IQSEC1: variants seen among roughly 807,000 people sequenced by gnomAD.
The protein encoded by IQSEC1 is IQ motif and Sec7 domain ArfGEF 1.
IQSEC1 carries 31 observed loss-of-function variants against 91.0 expected under a neutral mutation model. The observed-to-expected ratio is 0.34, with a 90% CI of 0.26 to 0.46. The LOEUF is 0.46. Ranked by LOEUF, IQSEC1 falls within the 20% of genes least tolerant of loss-of-function variation. The pLI, the probability that IQSEC1 is intolerant of heterozygous loss-of-function variation, is 1.00. For missense variants in IQSEC1, 1,388 were observed against 1,575.6 expected (o/e 0.88, Z 2.02); for synonymous variants, 699 against 662.6 (o/e 1.05, Z -0.84).
chr3:13,174,537 G>A (rs1247090225), intron 1 of IQSEC1, among the ~76,000 whole-genome samples: 1 of 152,096 alleles, frequency 6.6e-6, no homozygotes, highest in Non-Finnish European at 1.5e-5. Context: ...CTGTCATGTC[G>A]CTCTGTATCT....
rs996344487 is a variant in IQSEC1, at chr3:13,122,769, G to A, written c.302+41335C>T. ...ATGAAGCTTGCCAGGGTCACACAGT[G>A]TGATTACTGGATATGCCAGGATTCA... is the stretch of plus-strand genomic sequence containing the variant. On this transcript the variant is annotated intron_variant, in intron 2 of 15. Coordinates refer to the IQSEC1 transcript ENST00000648114. 2.6e-5 allele frequency among the ~76,000 whole-genome samples: 4 copies of A among 152,190 alleles called. No individual in the cohort carries two copies. In the East Asian group the frequency reaches 5.8e-4, roughly 22 times the overall value.
chr3:12,941,773 A>T lies in IQSEC1; in HGVS notation c.116T>A (p.Leu39Gln). 6.2e-7 allele frequency: 1 copy of T among 1,611,992 alleles called. No individual in the cohort carries two copies. The highest frequency in any genetic ancestry group is 8.5e-7 in the Non-Finnish European group (1 of 1,179,860). The stretch of plus-strand genomic sequence containing the variant: ...CGTGTGCTCGTAGTGATCCGGGCTC[A>T]GGCTGGAACCGGGCACCAAGGGGCC... ...PQGPLVPGSSLSPDHYEHTSV... is the reference protein window; with the variant it reads ...PQGPLVPGSSQSPDHYEHTSV... The change falls in exon 2 of 14, where the codon CTG (leucine) becomes CAG (glutamine). Residue 39 changes from leucine (L) to glutamine (Q), a missense_variant. Transcript: ENST00000613206.
chr3:13,079,267 C>A (rs113703889), intron 2 of IQSEC1, among the ~76,000 whole-genome samples: 2 of 152,362 alleles, frequency 1.3e-5, no homozygotes, highest in African/African-American at 2.4e-5. Flanking sequence ...CTAAACCTCA[C>A]GCTCCATCTG....
intron 1 of IQSEC1, chr3:13,022,266 A>AG: frequency 8.2e-7 from 1 of 1,222,004 alleles, no homozygotes; most frequent in South Asian, 4.3e-5. Context: ...GGAAAAGAGG[A>AG]GGCACTGGCT....
At chr3:13,273,690 C>G (rs1289599866) in intron 1 of IQSEC1, among the ~76,000 whole-genome samples, 1 of 152,198 alleles carries the variant, frequency 6.6e-6, no homozygotes, top group East Asian at 1.9e-4. Context: ...GGTACCCATG[C>G]CTGCCCCAGG....
At chr3:12,944,782 T>A (rs1341332609) in intron 1 of IQSEC1, among the ~76,000 whole-genome samples, 2 of 152,158 alleles carry the variant, frequency 1.3e-5, no homozygotes, top group Non-Finnish European at 2.9e-5. Context: ...TCCCTGCAGG[T>A]CCCTGGAGCT....
chr3:12,982,158 C>G, intron 1 of IQSEC1, among the ~76,000 whole-genome samples: 1 of 152,198 alleles, frequency 6.6e-6, no homozygotes, highest in Non-Finnish European at 1.5e-5. Context: ...AAATCCCCCC[C>G]ATTCTCTTTT....
intron 1 of IQSEC1, among the ~76,000 whole-genome samples, chr3:13,236,073 G>A (rs764041476): frequency 1.3e-5 from 2 of 152,092 alleles, no homozygotes; most frequent in East Asian, 1.9e-4. Flanking sequence ...TATGAATGCC[G>A]GGCCCTGGCG....
chr3:13,210,180 G>A (rs1271933112), intron 1 of IQSEC1, among the ~76,000 whole-genome samples: 3 of 152,160 alleles, frequency 2.0e-5, no homozygotes, highest in South Asian at 2.1e-4. Context: ...TTTAATCCTG[G>A]CTTCATCAAA....
chr3:13,234,185 A>G (rs1400591397), intron 1 of IQSEC1, among the ~76,000 whole-genome samples: 1 of 151,110 alleles, frequency 6.6e-6, no homozygotes, highest in African/African-American at 2.4e-5. Flanking sequence ...TGTGGGTGTG[A>G]GCCCCCATGT....
At chr3:13,135,677 G>A (rs1008514923) in intron 2 of IQSEC1, among the ~76,000 whole-genome samples, 1 of 152,184 alleles carries the variant, frequency 6.6e-6, no homozygotes, top group Admixed American at 6.5e-5. Flanking sequence ...GGGTCTCTTC[G>A]ACACAGACGC....
At chr3:13,015,481 C>T in intron 1 of IQSEC1, 1 of 805,730 alleles carries the variant, frequency 1.2e-6, no homozygotes, top group Non-Finnish European at 1.5e-6. Flanking sequence ...GCCCCCAAGA[C>T]CCTCACCACG....
intron 1 of IQSEC1, among the ~76,000 whole-genome samples, chr3:13,275,009 C>A (rs1407307585): frequency 2.6e-5 from 4 of 152,236 alleles, no homozygotes; most frequent in Non-Finnish European, 4.4e-5. Context: ...GTGAACTGCA[C>A]CAGCCCTGGA....
Position 12,908,498 on chromosome 3 carries a change from A to G in IQSEC1, c.2606T>C (p.Val869Ala), listed in dbSNP as rs753690784. 1.2e-6 allele frequency: 2 copies of G among 1,613,602 alleles called. No individual in the cohort carries two copies. The highest frequency in any genetic ancestry group is 1.7e-6 in the Non-Finnish European group (2 of 1,180,020). Residue 869 changes from valine to alanine, a missense_variant, in exon 12 of 14, where the codon GTG becomes GCG. Physicochemically the swap from Val to Ala is moderately conservative, Grantham distance 64. Around this residue, in one of 2 missense-constraint regions of IQSEC1, gnomAD observed 1,059 missense variants for 1,317.8 expected, o/e 0.80. Transcript: ENST00000613206. This position sits in a 1 kb window ranked among gnomAD's most constrained non-coding sequence, Gnocchi z 4.9. The part of the protein sequence containing the change: ...ESELEKQKGV[V>A]RPSMSQCSSL... ...AGAGCACTGGGACATGCTGGGCCGC[A>G]CGACGCCTTTCTGCTTCTCGAGCTC...
upstream of IQSEC1, among the ~76,000 whole-genome samples, chr3:13,078,231 C>T (rs1334783430): frequency 2.6e-5 from 4 of 152,172 alleles, no homozygotes; most frequent in African/African-American, 9.7e-5. Context: ...GCACCTAGAG[C>T]AGCCCCTGTG....
intron 1 of IQSEC1, among the ~76,000 whole-genome samples, chr3:13,064,976 AT>A (rs1455672204): frequency 1.3e-5 from 2 of 152,244 alleles, no homozygotes; most frequent in African/African-American, 4.8e-5. Context: ...GGCTTGACGC[AT>A]AGGCTTCCTG....
chr3:13,282,490 G>A lies in IQSEC1; in HGVS notation c.272+221C>T, dbSNP rs1016225175. ...GCAGCTCCCTGGAGCCCTTTTCCAG[G>A]GAACCCAGTCCCCACCCGAGATCGA... is the stretch of plus-strand genomic sequence containing the variant. On this transcript the variant is annotated intron_variant, in intron 1 of 15. Coordinates refer to the IQSEC1 transcript ENST00000648114. The surrounding 1 kb of genome is among the most constrained non-coding windows in gnomAD (Gnocchi z 6.4). 6.6e-6 allele frequency among the ~76,000 whole-genome samples: 1 copy of A among 151,996 alleles called. No individual in the cohort carries two copies. The highest frequency in any genetic ancestry group is 2.4e-5 in the African/African-American group (1 of 41,418).
At chr3:13,215,421 A>G (rs1694525058) in intron 1 of IQSEC1, among the ~76,000 whole-genome samples, 1 of 151,986 alleles carries the variant, frequency 6.6e-6, no homozygotes, top group African/African-American at 2.4e-5. Flanking sequence ...GCCAGACATC[A>G]TGAAGGGCAG....
At chr3:13,179,691 G>A (rs565101309) in intron 1 of IQSEC1, among the ~76,000 whole-genome samples, 3 of 152,252 alleles carry the variant, frequency 2.0e-5, no homozygotes, top group South Asian at 4.1e-4. Flanking sequence ...CGGCACTGTG[G>A]GAGCCCCTTT....
Sources: allele counts gnomAD v4.1 joint callset (sites outside exome capture counted in the v4.1 genomes callset), GRCh38; gene constraint gnomAD v4.1.1; regional missense constraint gnomAD v4.1.1; non-coding constraint Gnocchi (gnomAD v3.1); transcripts MANE v1.5; gene names NCBI Gene and HGNC (gene_info 2026-07-23, HGNC 2026-07-21).